Variants in IFT80 observed in about 807,000 individuals in gnomAD.
IFT80 encodes the protein intraflagellar transport protein 80 homolog.
IFT80 carries 79 observed loss-of-function variants against 107.9 expected under a neutral mutation model. That is an observed-to-expected ratio of 0.73 (90% CI 0.61 to 0.88). The LOEUF (loss-of-function observed/expected upper bound fraction) is 0.88, where lower values mean the gene tolerates loss of function less well. IFT80 is among the 40% of genes least tolerant of loss of function. The probability of loss-of-function intolerance (pLI) is 0.00; values close to 1 mark genes in which losing one functional copy is unlikely to be tolerated. For missense variants in IFT80, 797 were observed against 914.2 expected, an observed-to-expected ratio of 0.87 and a Z score of 1.65; for synonymous variants, 299 against 300.9, an observed-to-expected ratio of 0.99 and a Z score of 0.07.
At chr3:160,316,964 C>G (rs2108294288) in intron 9 of IFT80, among the ~76,000 whole-genome samples, 1 of 152,246 alleles carries the variant, frequency 6.6e-6, no homozygotes, top group African/African-American at 2.4e-5. Flanking sequence ...AATAATGCCT[C>G]TAAGTCAGTC....
chr3:160,299,018 T>C, intron 12 of IFT80: 1 of 614,858 alleles, frequency 1.6e-6, no homozygotes, highest in Non-Finnish European at 2.0e-6. Context: ...CTGTACTTTA[T>C]TAAAGCTTTT....
chr3:160,313,716 T>A (rs745535090), intron 9 of IFT80, among the ~76,000 whole-genome samples: 1 of 151,888 alleles, frequency 6.6e-6, no homozygotes, highest in Non-Finnish European at 1.5e-5. Context: ...TTCAAGTGAT[T>A]CTCCTGCCTC....
At chr3:160,291,489 C>A (rs753467322) in intron 12 of IFT80, among the ~76,000 whole-genome samples, 1 of 152,206 alleles carries the variant, frequency 6.6e-6, no homozygotes, top group Non-Finnish European at 1.5e-5. Flanking sequence ...GACACTCGGA[C>A]AGTGGCCTAT....
chr3:160,278,184 T>C (rs1714415848), intron 16 of IFT80, among the ~76,000 whole-genome samples: 1 of 152,186 alleles, frequency 6.6e-6, no homozygotes, highest in African/African-American at 2.4e-5. Context: ...GAGCTGCAGA[T>C]ATAAACAAGC....
intron 19 of IFT80, among the ~76,000 whole-genome samples, chr3:160,260,696 T>C (rs1318305787): frequency 6.6e-6 from 1 of 152,188 alleles, no homozygotes; most frequent in African/African-American, 2.4e-5. Flanking sequence ...TCTCTGATAG[T>C]TGTCAAGTGA....
intron 8 of IFT80, among the ~76,000 whole-genome samples, chr3:160,326,579 G>A (rs983062716): frequency 2.6e-5 from 4 of 152,142 alleles, no homozygotes; most frequent in South Asian, 2.1e-4. Context: ...AAAACCACAC[G>A]ATTATCTCAA....
intron 3 of IFT80, among the ~76,000 whole-genome samples, chr3:160,381,265 T>TATATATATATATATATA (rs1559971346): frequency 1.1e-3 from 145 of 135,110 alleles, no homozygotes; most frequent in Middle Eastern, 3.8e-3. Context: ...TATATATATA[T>TATATATATATATATATA]TAAAGCCAAA....
intron 7 of IFT80, among the ~76,000 whole-genome samples, chr3:160,357,171 C>T (rs1172763819): frequency 6.6e-6 from 1 of 152,104 alleles, no homozygotes; most frequent in African/African-American, 2.4e-5. Flanking sequence ...ACAATTATGG[C>T]TCACTGCAGC....
At chr3:160,351,276 A>G (rs1338988756) in intron 8 of IFT80, among the ~76,000 whole-genome samples, 2 of 150,824 alleles carry the variant, frequency 1.3e-5, no homozygotes, top group East Asian at 3.9e-4. Context: ...TATAAAAGTA[A>G]TTATCATTTT....
intron 8 of IFT80, among the ~76,000 whole-genome samples, chr3:160,329,536 TTCA>T (rs1404016134): frequency 6.6e-6 from 1 of 152,080 alleles, no homozygotes; most frequent in Non-Finnish European, 1.5e-5. Context: ...GGCAAGTCAG[TTCA>T]TCAAGGGAGA....
intron 18 of IFT80, among the ~76,000 whole-genome samples, chr3:160,272,493 TTGTA>T (rs752119339): frequency 1.3e-5 from 2 of 152,216 alleles, no homozygotes; most frequent in South Asian, 2.1e-4. Context: ...CTCTCTACTT[TTGTA>T]TGTGTTTGAA....
intron 8 of IFT80, among the ~76,000 whole-genome samples, chr3:160,354,669 A>G (rs939966109): frequency 1.3e-5 from 2 of 152,136 alleles, no homozygotes; most frequent in East Asian, 3.9e-4. Flanking sequence ...AAATAAATAA[A>G]TAAAATAAAA....
rs572643534 is a variant in IFT80 at position 160,366,036 on chromosome 3, G to A, written c.549+7C>T. 4 of 1,603,714 alleles carry A rather than the reference G, an allele frequency of 2.5e-6. No individual in the cohort carries two copies. The highest frequency in any genetic ancestry group is 1.1e-5 in the South Asian group (1 of 90,884). The stretch of plus-strand genomic sequence containing the variant: ...CTGATAACAATTTACAAATGACTGA[G>A]AAGTACCTGCAAAACTTTAGCATTT... On this transcript the variant is annotated splice_region_variant and intron_variant, in intron 6 of 19. Coordinates refer to ENST00000326448, the MANE Select transcript of IFT80 (RefSeq NM_020800.3).
At chr3:160,306,191 T>C (rs1716817318) in intron 10 of IFT80, among the ~76,000 whole-genome samples, 1 of 152,108 alleles carries the variant, frequency 6.6e-6, no homozygotes, top group Admixed American at 6.5e-5. Flanking sequence ...TTGCCACACA[T>C]TAACTTGTAA....
At chr3:160,308,616 TCTC>T (rs1197667304) in intron 9 of IFT80, among the ~76,000 whole-genome samples, 6 of 152,074 alleles carry the variant, frequency 3.9e-5, no homozygotes, top group Admixed American at 6.5e-5. Flanking sequence ...TGCTTTAAGT[TCTC>T]CTCAAAATGT....
At chr3:160,268,705 A>T in intron 18 of IFT80, 169 bp from the exon 19 acceptor site, 1 of 623,720 alleles carries the variant, frequency 1.6e-6, no homozygotes, top group South Asian at 1.9e-5. Flanking sequence ...TATATACTTC[A>T]GGGCCCAGAT....
intron 6 of IFT80, 35 bp downstream of exon 6, chr3:160,366,008 A>C (rs1721835100): frequency 6.7e-7 from 1 of 1,497,404 alleles, no homozygotes; most frequent in South Asian, 1.1e-5. Context: ...AGTCAGGCAG[A>C]CCCTGATAAC....
rs569333041 is a variant in IFT80, at chr3:160,271,402, G to A, written c.2100-2866C>T. On this transcript the variant is annotated intron_variant, in intron 18 of 19. Transcript: ENST00000326448. ...GATTTTTGCATAACTTGAATGAAGC[G>A]AAATCACTTTGTATAACTGAGATCA... is the stretch of plus-strand genomic sequence containing the variant. 1.9e-4 allele frequency among the ~76,000 whole-genome samples: 29 copies of A among 152,228 alleles called. No homozygotes were observed. In the East Asian group the frequency reaches 3.9e-3, roughly 20 times the overall value.
chr3:160,391,783 G>A (rs912437063), intron 1 of IFT80: 1 of 152,196 alleles, frequency 6.6e-6, no homozygotes, highest in Admixed American at 6.5e-5. Flanking sequence ...ATAAAAAAGA[G>A]CCAAGATTTC....
Sources: allele counts gnomAD v4.1 joint callset (sites outside exome capture counted in the v4.1 genomes callset), GRCh38; gene constraint gnomAD v4.1.1; transcripts MANE v1.5; gene names NCBI Gene and HGNC (gene_info 2026-07-23, HGNC 2026-07-21).